The following SAMD5 variants were observed in gnomAD, a reference collection of about 807,000 sequenced individuals.
SAMD5 encodes sterile alpha motif domain-containing protein 5.
Under a neutral mutation model 11.3 loss-of-function variants are expected in SAMD5, and 13 were observed. The ratio of observed to expected loss-of-function variants is 1.15; its 90% CI spans 0.75 to 1.83. The LOEUF is 1.83. Among genes scored for constraint, SAMD5 ranks in the 40% most tolerant of loss-of-function variants. The probability of loss-of-function intolerance (pLI) is 0.00; values close to 1 mark genes in which losing one functional copy is unlikely to be tolerated. For synonymous variants in SAMD5, 129 were observed against 111.3 expected, an observed-to-expected ratio of 1.16 and a Z score of -1.00; for missense variants, 255 against 239.1, an observed-to-expected ratio of 1.07 and a Z score of -0.44.
intron 1 of SAMD5, among the ~76,000 whole-genome samples, chr6:147,689,729 C>A (rs866667324): frequency 6.6e-6 from 1 of 152,152 alleles, no homozygotes; most frequent in East Asian, 1.9e-4. Context: ...AATTCTGTTT[C>A]TTGATGCTGC....
chr6:147,699,613 A>G (rs925417687), intron 1 of SAMD5, among the ~76,000 whole-genome samples: 4 of 152,238 alleles, frequency 2.6e-5, no homozygotes, highest in Non-Finnish European at 5.9e-5. Context: ...ATCTTTAAAT[A>G]TTAAATGTTT....
chr6:147,926,492 G>C, the SAMD5 span, among the ~76,000 whole-genome samples: 1 of 151,856 alleles, frequency 6.6e-6, no homozygotes, highest in Non-Finnish European at 1.5e-5. Flanking sequence ...CTTTGGAAAA[G>C]TGTCTGTTCA....
At chr6:147,883,324 T>C in the SAMD5 span, among the ~76,000 whole-genome samples, 1 of 152,214 alleles carries the variant, frequency 6.6e-6, no homozygotes, top group Admixed American at 6.5e-5. Flanking sequence ...TCTAATTTTA[T>C]TTCAGAGTTG....
the SAMD5 span, among the ~76,000 whole-genome samples, chr6:147,806,054 T>G: frequency 6.6e-6 from 1 of 152,154 alleles, no homozygotes; most frequent in East Asian, 1.9e-4. Flanking sequence ...GCTGGAGACT[T>G]GACAGCAGCC....
chr6:147,758,229 G>A, the SAMD5 span, among the ~76,000 whole-genome samples: 1 of 152,160 alleles, frequency 6.6e-6, no homozygotes, highest in South Asian at 2.1e-4. Context: ...AGAAACTAAA[G>A]AATTTAGCGA....
the SAMD5 span, among the ~76,000 whole-genome samples, chr6:147,759,661 T>C: frequency 2.0e-5 from 3 of 151,782 alleles, no homozygotes; most frequent in Admixed American, 6.6e-5. Flanking sequence ...AATAAACAAT[T>C]ATTTCTTAAA....
the SAMD5 span, among the ~76,000 whole-genome samples, chr6:147,817,871 C>T: frequency 2.0e-3 from 305 of 152,332 alleles, no homozygotes; most frequent in African/African-American, 7.0e-3. Context: ...GTACTTTCTA[C>T]TCATCTGAAT....
the SAMD5 span, among the ~76,000 whole-genome samples, chr6:147,893,458 C>T: frequency 6.6e-6 from 1 of 152,066 alleles, no homozygotes; most frequent in East Asian, 1.9e-4. Context: ...ATTTAAAAAC[C>T]ATAGTAAAAC....
intron 1 of SAMD5, among the ~76,000 whole-genome samples, chr6:147,718,044 C>G (rs1313682910): frequency 1.3e-5 from 2 of 152,070 alleles, no homozygotes. Context: ...TGGTATCATT[C>G]ACAAGAGAAA....
At chr6:147,748,884 A>C in the SAMD5 span, among the ~76,000 whole-genome samples, 1 of 152,194 alleles carries the variant, frequency 6.6e-6, no homozygotes, top group African/African-American at 2.4e-5. Context: ...TATGGGTTGA[A>C]CCAACCTGAA....
At chr6:147,570,318 G>A (rs2128445267), downstream of SAMD5, among the ~76,000 whole-genome samples, 1 of 152,228 alleles carries the variant, frequency 6.6e-6, no homozygotes, top group African/African-American at 2.4e-5. Context: ...GTGGGAGATG[G>A]GATGGTGGGG....
intron 1 of SAMD5, among the ~76,000 whole-genome samples, chr6:147,583,038 A>G (rs1437349561): frequency 1.3e-5 from 2 of 152,252 alleles, no homozygotes; most frequent in Non-Finnish European, 2.9e-5. Context: ...GAAAATATAA[A>G]TAAACATTAA....
At chr6:147,822,726 C>G in the SAMD5 span, among the ~76,000 whole-genome samples, 1 of 152,152 alleles carries the variant, frequency 6.6e-6, no homozygotes, top group Non-Finnish European at 1.5e-5. Flanking sequence ...TTTGTGCCCC[C>G]AGGTTTAAGA....
At chr6:147,820,031 T>C in the SAMD5 span, among the ~76,000 whole-genome samples, 1 of 152,148 alleles carries the variant, frequency 6.6e-6, no homozygotes, top group Admixed American at 6.5e-5. Context: ...TGGCAGCATT[T>C]CCAAAGTCTA....
At chr6:147,931,291 A>G in the SAMD5 span, among the ~76,000 whole-genome samples, 1 of 152,192 alleles carries the variant, frequency 6.6e-6, no homozygotes, top group African/African-American at 2.4e-5. Flanking sequence ...GTTATGATAA[A>G]AATAGGATGT....
chr6:147,729,617 C>T, intron 1 of SAMD5: 1 of 347,874 alleles, frequency 2.9e-6, no homozygotes, highest in Non-Finnish European at 5.7e-6. Flanking sequence ...AAGAAGAAAG[C>T]AGTGACAAGA....
intron 1 of SAMD5, among the ~76,000 whole-genome samples, chr6:147,518,634 G>A (rs1214806881): frequency 6.6e-6 from 1 of 152,168 alleles, no homozygotes. Context: ...AAAGAACACT[G>A]TCCGGGGTGG....
chr6:147,543,431 A>T (rs150779291), intron 1 of SAMD5, among the ~76,000 whole-genome samples: 1 of 152,228 alleles, frequency 6.6e-6, no homozygotes, highest in East Asian at 1.9e-4. Flanking sequence ...AATTAAAAAC[A>T]ATTTACTATC....
the SAMD5 span, among the ~76,000 whole-genome samples, chr6:147,793,524 T>C: frequency 2.6e-5 from 4 of 152,298 alleles, no homozygotes; most frequent in South Asian, 6.2e-4. Flanking sequence ...TATACATATA[T>C]ATTTAAATAC....
Sources: allele counts gnomAD v4.1 joint callset (sites outside exome capture counted in the v4.1 genomes callset), GRCh38; gene constraint gnomAD v4.1.1; transcripts MANE v1.5; gene names NCBI Gene and HGNC (gene_info 2026-07-23, HGNC 2026-07-21).